The following EIF5B variants were observed in gnomAD, a reference collection of about 807,000 sequenced individuals.
EIF5B encodes eukaryotic translation initiation factor 5B, also known as eIF-5B.
In EIF5B, 47 loss-of-function variants were observed where a neutral mutation model predicts 147.5. The observed-to-expected ratio is 0.32, with a 90% confidence interval of 0.25 to 0.41. The LOEUF (loss-of-function observed/expected upper bound fraction) is 0.41. Ranked by LOEUF, EIF5B falls within the 10% of genes least tolerant of loss-of-function variation. The pLI is 1.00. For missense variants in EIF5B, 1,064 were observed against 1,413.2 expected, an observed-to-expected ratio of 0.75 and a Z score of 3.96; for synonymous variants, 455 against 456.2, an observed-to-expected ratio of 1.00 and a Z score of 0.03.
intron 1 of EIF5B, among the ~76,000 whole-genome samples, chr2:99,355,977 A>G (rs1382633280): frequency 2.6e-5 from 4 of 152,204 alleles, no homozygotes; most frequent in African/African-American, 4.8e-5. Context: ...AAGATAATAC[A>G]GAGTCTCCAT....
intron 14 of EIF5B, among the ~76,000 whole-genome samples, chr2:99,383,328 C>T (rs894751631): frequency 4.7e-4 from 72 of 152,180 alleles, no homozygotes; most frequent in African/African-American, 1.7e-3. Context: ...TTAGTCAATA[C>T]ATGTTGTGAG....
chr2:99,398,363 CCTCA>C, intron 22 of EIF5B: 1 of 160,670 alleles, frequency 6.2e-6, no homozygotes, highest in Non-Finnish European at 1.4e-5. Context: ...CAGGATTGGT[CCTCA>C]CTCTGACTTC....
Position 99,399,469 on chromosome 2 carries a change from C to A in EIF5B, c.*55C>A. On this transcript the variant is annotated 3_prime_UTR_variant, in exon 24 of 24. Coordinates refer to ENST00000289371, the MANE Select transcript of EIF5B (RefSeq NM_015904.4). ...AATGCAATACTGTGTTGTAATATCC[C>A]AACAAAAATCAGACAAAAAATGGAA... is the stretch of plus-strand genomic sequence containing the variant. 1 of 1,514,564 alleles carries A rather than the reference C, an allele frequency of 6.6e-7. No homozygotes were observed. Among genetic ancestry groups the A allele is most frequent in the Non-Finnish European group, 9.1e-7 (1 of 1,096,914 alleles). The allele number at this position is 1,514,564 out of a possible 1,614,324, so 93.8% of individuals were successfully genotyped here. A position where few individuals can be genotyped will look rare whatever the true frequency, so the allele number is the denominator to read the frequency against.
intron 9 of EIF5B, among the ~76,000 whole-genome samples, chr2:99,372,005 A>G (rs1344879197): frequency 9.2e-5 from 14 of 152,204 alleles, no homozygotes; most frequent in African/African-American, 2.4e-5. Flanking sequence ...TAGGGTTGTT[A>G]CTAAAGCTGA....
At chr2:99,363,541 G>T (rs1171885438) in intron 4 of EIF5B, 104 bp from the exon 5 acceptor site, 4 of 1,161,358 alleles carry the variant, frequency 3.4e-6, no homozygotes, top group Middle Eastern at 3.0e-4. Context: ...GCTGGCATCG[G>T]CCTTGGCCCA....
At chr2:99,341,850 A>G (rs1438902012) in intron 1 of EIF5B, among the ~76,000 whole-genome samples, 2 of 152,264 alleles carry the variant, frequency 1.3e-5, no homozygotes. Context: ...ATGACTTAAT[A>G]GAAGATAGAT....
At position 99,374,288 on chromosome 2, in the gene EIF5B, T is replaced by TA. The variant is rs33936603; in HGVS notation, c.1553-2037dup. Among the ~76,000 whole-genome samples, 694 of 108,734 alleles carry TA rather than the reference T, an allele frequency of 6.4e-3. 4 individuals are homozygous for TA. The highest frequency in any genetic ancestry group is 0.014 in the African/African-American group (391 of 28,222). The allele number at this position is 108,734 out of a possible 152,430, so 71.3% of individuals were successfully genotyped here. A position where few individuals can be genotyped will look rare whatever the true frequency, so the allele number is the denominator to read the frequency against. The stretch of plus-strand genomic sequence containing the variant: ...TGGGCGACAGAGCGAGACTCTTACC[T>TA]AAAAAAAAAAAAAAAAAAAAAAGAT... On this transcript the variant is annotated intron_variant, in intron 9 of 23. Coordinates refer to ENST00000289371, the MANE Select transcript of EIF5B (RefSeq NM_015904.4).
chr2:99,380,969 C>T (rs944979562), intron 12 of EIF5B, among the ~76,000 whole-genome samples: 4 of 152,140 alleles, frequency 2.6e-5, no homozygotes, highest in African/African-American at 7.2e-5. Context: ...CATTTATTCT[C>T]GCATAAAGTA....
intron 14 of EIF5B, among the ~76,000 whole-genome samples, chr2:99,389,337 T>C (rs1674875818): frequency 6.6e-6 from 1 of 152,216 alleles, no homozygotes; most frequent in African/African-American, 2.4e-5. Context: ...AATATATATT[T>C]TTTAATTTTT....
rs993328163 is a variant in EIF5B at position 99,338,457 on chromosome 2, C to G, written c.35+868C>G. The G allele has an allele frequency of 6.4e-6, 4 of 623,608 alleles. No individual in the cohort carries two copies. The Admixed American group carries it at 9.8e-5, about 15-fold the overall frequency. The allele number at this position is 623,608 out of a possible 1,614,324, so 38.6% of individuals were successfully genotyped here. ...CTACCCACCAAACTTAAATACGAGGCGGAGAGTAAGGTAAATTAAAAAAAC... is the reference window on the plus strand; with the variant it reads ...CTACCCACCAAACTTAAATACGAGGGGGAGAGTAAGGTAAATTAAAAAAAC... On this transcript the variant is annotated intron_variant, in intron 1 of 23. Transcript: ENST00000289371.
Position 99,361,380 on chromosome 2 carries a change from A to G in EIF5B, c.479A>G (p.Lys160Arg). 1 of 1,612,012 alleles carries G rather than the reference A, an allele frequency of 6.2e-7. No individual in the cohort carries two copies. The highest frequency in any genetic ancestry group is 8.5e-7 in the Non-Finnish European group (1 of 1,179,580). Residue 160 changes from lysine (K) to arginine (R), a missense_variant, in exon 4 of 24, where the codon AAG becomes AGG. By Grantham distance (26) the Lys-to-Arg change is conservative. Transcript: ENST00000289371. ...GGGAAAGCTCAAAAATCAAATAAGA[A>G]GTGGGATGGGTCAGAGGAGGATGAG... ...AKGKAQKSNK[K>R]WDGSEEDEDN...
chr2:99,367,368 C>T lies in EIF5B; in HGVS notation c.1289-1125C>T, dbSNP rs189469023. Among the ~76,000 whole-genome samples, 352 of 151,126 alleles carry T rather than the reference C, an allele frequency of 2.3e-3. 4 individuals are homozygous for T. The highest frequency in any genetic ancestry group is 8.3e-3 in the African/African-American group (343 of 41,330). ...CAGACACTTTCACCAGAAAGCTATA[C>T]GCATCTGAAAAGAATGTTCTAAAAA... On this transcript the variant is annotated intron_variant, in intron 6 of 23. Transcript: ENST00000289371.
intron 10 of EIF5B, among the ~76,000 whole-genome samples, chr2:99,376,899 G>A (rs1674579380): frequency 6.6e-6 from 1 of 152,122 alleles, no homozygotes; most frequent in Non-Finnish European, 1.5e-5. Flanking sequence ...TACTCTTTGA[G>A]TGATAGTTTA....
chr2:99,395,684 A>G (rs1019029287), intron 21 of EIF5B, among the ~76,000 whole-genome samples: 3 of 152,154 alleles, frequency 2.0e-5, no homozygotes, highest in Non-Finnish European at 4.4e-5. Flanking sequence ...AGAAGTGCTG[A>G]AAAACCAAAT....
At chr2:99,350,997 G>T (rs769332296) in intron 1 of EIF5B, among the ~76,000 whole-genome samples, 2 of 152,200 alleles carry the variant, frequency 1.3e-5, no homozygotes, top group Non-Finnish European at 2.9e-5. Flanking sequence ...ACTAGAAAAA[G>T]ATTATAGATT....
rs137963407 is a variant in EIF5B at position 99,367,746 on chromosome 2, C to T, written c.1289-747C>T. ...CTGGGATTACAGGCGTGAGCCATTG[C>T]GCCTGGCCAAAACTCTTCTGCATTA... On this transcript the variant is annotated intron_variant, in intron 6 of 23. Coordinates refer to ENST00000289371, the MANE Select transcript of EIF5B (RefSeq NM_015904.4). Among the ~76,000 whole-genome samples the T allele has an allele frequency of 8.6e-3, 1,314 of 152,204 alleles. 7 individuals carry two copies. Among genetic ancestry groups the T allele is most frequent in the Middle Eastern group, 0.014 (4 of 294 alleles).
intron 17 of EIF5B, among the ~76,000 whole-genome samples, chr2:99,391,823 C>T (rs781168320): frequency 2.0e-5 from 3 of 151,316 alleles, no homozygotes; most frequent in African/African-American, 4.9e-5. Flanking sequence ...TCAACCTCCC[C>T]GGGGTTCAGG....
rs141469196 is a variant in EIF5B, at chr2:99,396,366, T to G, written c.3255-394T>G. On this transcript the variant is annotated intron_variant, in intron 21 of 23. Coordinates refer to ENST00000289371, the MANE Select transcript of EIF5B (RefSeq NM_015904.4). ...ATGCCTATGTGATCCCCCAGTAGCC[T>G]ACATATGTGCCTAACGAAGACCTGC... 4.4e-4 allele frequency among the ~76,000 whole-genome samples: 67 copies of G among 152,302 alleles called. No homozygotes were observed. In the East Asian group the frequency reaches 0.011, roughly 25 times the overall value.
chr2:99,339,214 T>C (rs1057397860), intron 1 of EIF5B, among the ~76,000 whole-genome samples: 24 of 151,698 alleles, frequency 1.6e-4, no homozygotes, highest in African/African-American at 5.6e-4. Context: ...GGTTACTCCA[T>C]GTTGGTCAGG....
Sources: allele counts gnomAD v4.1 joint callset (sites outside exome capture counted in the v4.1 genomes callset), GRCh38; gene constraint gnomAD v4.1.1; transcripts MANE v1.5; gene names NCBI Gene and HGNC (gene_info 2026-07-23, HGNC 2026-07-21).